Variants in LYRM4 observed in about 807,000 individuals in gnomAD.
LYRM4 encodes LYR motif-containing protein 4.
LYRM4 carries 9 observed loss-of-function variants against 11.7 expected under a neutral mutation model. The observed-to-expected ratio is 0.77, with a 90% CI of 0.46 to 1.34. The LOEUF (loss-of-function observed/expected upper bound fraction) is 1.34. LYRM4 is among the 40% of genes most tolerant of loss of function. LYRM4 has a pLI of 0.00. For missense variants in LYRM4, 133 were observed against 112.5 expected (o/e 1.18, Z -0.82); for synonymous variants, 42 against 40.4 (o/e 1.04, Z -0.15).
the LYRM4 span, among the ~76,000 whole-genome samples, chr6:5,082,503 C>A: frequency 6.6e-6 from 1 of 152,240 alleles, no homozygotes; most frequent in East Asian, 1.9e-4. Flanking sequence ...CCTGCACCTA[C>A]CCCCACTTGG....
intron 2 of LYRM4, among the ~76,000 whole-genome samples, chr6:5,162,667 A>G (rs544401215): frequency 5.9e-5 from 9 of 152,318 alleles, no homozygotes; most frequent in Non-Finnish European, 7.3e-5. Context: ...CTGTATGTTT[A>G]TATGTCTATG....
At chr6:5,119,035 G>C (rs1158926809) in intron 2 of LYRM4, among the ~76,000 whole-genome samples, 2 of 152,224 alleles carry the variant, frequency 1.3e-5, no homozygotes, top group African/African-American at 2.4e-5. Context: ...AGCTGAGAAA[G>C]AAGGCCATGT....
rs530040775 is a variant in LYRM4, at chr6:5,120,185, G to A, written c.208-10694C>T. Among the ~76,000 whole-genome samples, 4 of 152,284 alleles carry A rather than the reference G, an allele frequency of 2.6e-5. No individual in the cohort carries two copies. In the South Asian group the frequency reaches 8.3e-4, roughly 32 times the overall value. ...GCTAGGATTATAGGCATGAGGCACG[G>A]TGCCTGGCCGGGAATGAAATTATTT... On this transcript the variant is annotated intron_variant, in intron 2 of 2. Transcript: ENST00000330636.
the LYRM4 span, among the ~76,000 whole-genome samples, chr6:5,073,704 CT>C: frequency 6.6e-6 from 1 of 151,936 alleles, no homozygotes; most frequent in Non-Finnish European, 1.5e-5. Context: ...AAATGTGACT[CT>C]CTATGTGAGC....
At chr6:5,142,939 C>T (rs1039602643) in intron 2 of LYRM4, among the ~76,000 whole-genome samples, 4 of 152,218 alleles carry the variant, frequency 2.6e-5, no homozygotes, top group African/African-American at 9.6e-5. Context: ...GAGGCCGCAT[C>T]GCGGGCCGGT....
intron 2 of LYRM4, among the ~76,000 whole-genome samples, chr6:5,179,356 T>G (rs1759938902): frequency 6.6e-6 from 1 of 152,148 alleles, no homozygotes; most frequent in African/African-American, 2.4e-5. Context: ...CTCCAAAGTT[T>G]TTTTATCTTC....
intron 2 of LYRM4, among the ~76,000 whole-genome samples, chr6:5,209,437 C>T (rs1404257198): frequency 6.6e-6 from 1 of 152,106 alleles, no homozygotes; most frequent in African/African-American, 2.4e-5. Flanking sequence ...TTGCACCCAG[C>T]CTATTATTAC....
At chr6:5,087,294 CTGA>C in the LYRM4 span, 21 of 152,342 alleles carry the variant, frequency 1.4e-4, 1 homozygote, top group African/African-American at 5.1e-4. Context: ...TCTTTGTCAG[CTGA>C]TGATGTGCGC....
At chr6:5,252,537 G>A (rs1411966986) in intron 1 of LYRM4, among the ~76,000 whole-genome samples, 1 of 151,972 alleles carries the variant, frequency 6.6e-6, no homozygotes, top group Non-Finnish European at 1.5e-5. Context: ...CTCTTCCATC[G>A]CATGTCCACC....
chr6:5,136,866 T>C, intron 2 of LYRM4: 1 of 968,594 alleles, frequency 1.0e-6, no homozygotes, highest in Non-Finnish European at 1.2e-6. Context: ...CACCATCAAA[T>C]CTATCCAATT....
intron 2 of LYRM4, among the ~76,000 whole-genome samples, chr6:5,169,206 G>A (rs114739291): frequency 0.013 from 1,974 of 152,224 alleles, 16 homozygotes; most frequent in Non-Finnish European, 0.02. Flanking sequence ...GGTGATTACA[G>A]GTGTGTGCCA....
intron 1 of LYRM4, among the ~76,000 whole-genome samples, chr6:5,243,599 TA>T (rs1764010033): frequency 6.7e-6 from 1 of 148,770 alleles, no homozygotes; most frequent in African/African-American, 2.6e-5. Context: ...TGATAATAAT[TA>T]CATGCCTGAA....
chr6:5,179,193 A>G (rs975270075), intron 2 of LYRM4, among the ~76,000 whole-genome samples: 1 of 152,082 alleles, frequency 6.6e-6, no homozygotes, highest in African/African-American at 2.4e-5. Flanking sequence ...AAAATTTAGC[A>G]TGTAAAGCCC....
intron 1 of LYRM4, 50 bp downstream of exon 1, chr6:5,260,598 T>TGCCCCG: frequency 1.8e-6 from 2 of 1,105,564 alleles, no homozygotes; most frequent in Non-Finnish European, 2.6e-6. Flanking sequence ...GCACCCCCGG[T>TGCCCCG]CCCCGGCCCC....
chr6:5,154,308 C>T (rs887357240), intron 2 of LYRM4, among the ~76,000 whole-genome samples: 3 of 152,210 alleles, frequency 2.0e-5, no homozygotes, highest in South Asian at 4.1e-4. Flanking sequence ...CTCCATATAA[C>T]ACCTGCAAAC....
chr6:5,095,406 T>C, the LYRM4 span, among the ~76,000 whole-genome samples: 1 of 152,262 alleles, frequency 6.6e-6, no homozygotes, highest in African/African-American at 2.4e-5. Flanking sequence ...AGAAGATTCA[T>C]GAACAGAAAA....
At chr6:5,100,392 G>A (rs901424117), downstream of LYRM4, among the ~76,000 whole-genome samples, 3 of 151,964 alleles carry the variant, frequency 2.0e-5, no homozygotes, top group African/African-American at 7.3e-5. Context: ...CTTCCAGAGC[G>A]GATTTCTCTT....
chr6:5,197,037 C>G (rs145176607), intron 2 of LYRM4, among the ~76,000 whole-genome samples: 3 of 152,154 alleles, frequency 2.0e-5, no homozygotes, highest in Non-Finnish European at 4.4e-5. Flanking sequence ...GAGAGTAATG[C>G]TCATCAATAC....
intron 1 of LYRM4, among the ~76,000 whole-genome samples, chr6:5,234,724 G>A (rs1029328222): frequency 1.3e-5 from 2 of 152,056 alleles, no homozygotes; most frequent in African/African-American, 4.8e-5. Flanking sequence ...TTTGGAAAAA[G>A]GAGAGAGGAG....
Sources: allele counts gnomAD v4.1 joint callset (sites outside exome capture counted in the v4.1 genomes callset), GRCh38; gene constraint gnomAD v4.1.1; transcripts MANE v1.5; gene names NCBI Gene and HGNC (gene_info 2026-07-23, HGNC 2026-07-21).